The following MLXIP variants were observed in gnomAD, a reference collection of about 807,000 sequenced individuals.
MLXIP encodes MLX-interacting protein.
Under a neutral mutation model 87.2 loss-of-function variants are expected in MLXIP, and 30 were observed. The observed-to-expected ratio is 0.34, with a 90% confidence interval of 0.26 to 0.47. MLXIP has a LOEUF of 0.47. Among genes scored for constraint, MLXIP ranks in the 20% least tolerant of loss-of-function variants. The pLI is 1.00. For synonymous variants in MLXIP, 530 were observed against 514.0 expected (o/e 1.03, Z -0.42); for missense variants, 1,002 against 1,240.1 (o/e 0.81, Z 2.88).
rs921603962 is a variant in MLXIP, at chr12:122,144,122, G to C, written c.*2310G>C. Reference sequence around the variant, plus strand: ...ACCAAGGGGCCTAGATTTGACCTCTGTCCTGGGCTCCTGGGCCAGGTGCAG... The same window carrying C: ...ACCAAGGGGCCTAGATTTGACCTCTCTCCTGGGCTCCTGGGCCAGGTGCAG... On this transcript the variant is annotated 3_prime_UTR_variant, in exon 17 of 17. Coordinates refer to ENST00000319080, the MANE Select transcript of MLXIP (RefSeq NM_014938.6). 3 of 152,678 alleles carry C rather than the reference G, an allele frequency of 2.0e-5. No homozygotes were observed. Among genetic ancestry groups the C allele is most frequent in the Non-Finnish European group, 1.5e-5 (1 of 68,070 alleles). The allele number at this position is 152,678 out of a possible 1,614,324, so 9.5% of individuals were successfully genotyped here. A position where few individuals can be genotyped will look rare whatever the true frequency, so the allele number is the denominator to read the frequency against.
In MLXIP at chr12:122,137,410, C is replaced by T; in HGVS notation, c.2033-59C>T. The T allele has an allele frequency of 6.4e-7, 1 of 1,571,388 alleles. No individual in the cohort carries two copies. Among genetic ancestry groups the T allele is most frequent in the Non-Finnish European group, 8.6e-7 (1 of 1,159,408 alleles). ...ATAACCCTGCAGAGACCCCAGGCTGCCTCCTGGTGGCGTTGAGGGGCCAGG... is the reference window on the plus strand; with the variant it reads ...ATAACCCTGCAGAGACCCCAGGCTGTCTCCTGGTGGCGTTGAGGGGCCAGG... On this transcript the variant is annotated intron_variant, in intron 11 of 16. Coordinates refer to ENST00000319080, the MANE Select transcript of MLXIP (RefSeq NM_014938.6). This position sits in a 1 kb window ranked among gnomAD's most constrained non-coding sequence, Gnocchi z 4.1.
At chr12:122,087,423 G>A (rs933901289) in intron 1 of MLXIP, among the ~76,000 whole-genome samples, 4 of 152,226 alleles carry the variant, frequency 2.6e-5, no homozygotes, top group African/African-American at 4.8e-5. Context: ...ACTTTAGGCT[G>A]GGTAGAGAAG....
chr12:122,136,277 A>AT (rs928722211), intron 11 of MLXIP: 14 of 152,468 alleles, frequency 9.2e-5, no homozygotes, highest in African/African-American at 3.4e-4. Context: ...AATGCCTGCC[A>AT]TACCAGGAAG....
chr12:122,133,271 G>A lies in MLXIP; in HGVS notation c.1093-77G>A. ...TCCCAGCGCCCGGCCTGTGTAGTTG[G>A]ACTTGGCAGTGTGCAGCGCTAGAAA... On this transcript the variant is annotated intron_variant, in intron 8 of 16. Coordinates refer to ENST00000319080, the MANE Select transcript of MLXIP (RefSeq NM_014938.6). The surrounding 1 kb of genome is among the most constrained non-coding windows in gnomAD (Gnocchi z 4.9). The A allele has an allele frequency of 6.7e-7, 1 of 1,486,184 alleles. No individual in the cohort carries two copies. Among genetic ancestry groups the A allele is most frequent in the East Asian group, 2.3e-5 (1 of 43,548 alleles). The allele number at this position is 1,486,184 out of a possible 1,614,324, so 92.1% of individuals were successfully genotyped here. A position where few individuals can be genotyped will look rare whatever the true frequency, so the allele number is the denominator to read the frequency against.
chr12:122,129,093 C>A, intron 3 of MLXIP, 44 bp from the exon 4 acceptor site: 1 of 1,489,236 alleles, frequency 6.7e-7, no homozygotes, highest in Non-Finnish European at 9.2e-7. Flanking sequence ...CTTTGCTAAT[C>A]AAGCAGAGCC....
chr12:122,079,351 C>A, intron 1 of MLXIP, 85 bp downstream of exon 1: 2 of 1,223,886 alleles, frequency 1.6e-6, no homozygotes, highest in Non-Finnish European at 2.3e-6. Flanking sequence ...CGCCTGGCAA[C>A]CCCGTGGCTT....
chr12:122,111,150 T>C (rs1313870633), intron 1 of MLXIP, among the ~76,000 whole-genome samples: 2 of 151,978 alleles, frequency 1.3e-5, no homozygotes, highest in East Asian at 3.9e-4. Context: ...TTTAAATGCA[T>C]CAGACAGCTT....
chr12:122,121,010 G>GTTTTGTTTTTTTTTTTT (rs1952771798), intron 1 of MLXIP, among the ~76,000 whole-genome samples: 1 of 111,910 alleles, frequency 8.9e-6, no homozygotes, highest in African/African-American at 3.6e-5. Flanking sequence ...TGCATGCTTG[G>GTTTTGTTTTTTTTTTTT]TTTTTTTTTT....
Position 122,142,623 on chromosome 12 carries a change from C to T in MLXIP, c.*811C>T, listed in dbSNP as rs1310933263. Reference sequence around the variant, plus strand: ...CCGCTGTGGCCCTTCTGCCGTTCTTCTCCACTTGGCTCCAGCTGCAGCTGT... The same window carrying T: ...CCGCTGTGGCCCTTCTGCCGTTCTTTTCCACTTGGCTCCAGCTGCAGCTGT... On this transcript the variant is annotated 3_prime_UTR_variant, in exon 17 of 17. Coordinates refer to ENST00000319080, the MANE Select transcript of MLXIP (RefSeq NM_014938.6). The T allele has an allele frequency of 7.2e-6, 2 of 278,640 alleles. No homozygotes were observed. The highest frequency in any genetic ancestry group is 1.4e-5 in the Non-Finnish European group (2 of 140,774). The allele number at this position is 278,640 out of a possible 1,614,324, so 17.3% of individuals were successfully genotyped here.
At chr12:122,084,968 A>T (rs1952144583) in intron 1 of MLXIP, among the ~76,000 whole-genome samples, 1 of 152,238 alleles carries the variant, frequency 6.6e-6, no homozygotes, top group Non-Finnish European at 1.5e-5. Flanking sequence ...GACGTTAATT[A>T]GCTGTGTTAC....
At position 122,137,296 on chromosome 12, in the gene MLXIP, T is replaced by A; in HGVS notation, c.2033-173T>A. 1.6e-6 allele frequency: 1 copy of A among 612,470 alleles called. No homozygotes were observed. The highest frequency in any genetic ancestry group is 2.6e-6 in the Non-Finnish European group (1 of 384,920). The allele number at this position is 612,470 out of a possible 1,614,324, so 37.9% of individuals were successfully genotyped here. On this transcript the variant is annotated intron_variant, in intron 11 of 16. Coordinates refer to ENST00000319080, the MANE Select transcript of MLXIP (RefSeq NM_014938.6). The surrounding 1 kb of genome is among the most constrained non-coding windows in gnomAD (Gnocchi z 4.1). ...TTTGTTGTTGTTATTAATTTAAGAT[T>A]TTCAGGGAGTGAATAAGAATAATCT...
At chr12:122,124,581 C>T (rs1265496914) in intron 1 of MLXIP, among the ~76,000 whole-genome samples, 2 of 149,624 alleles carry the variant, frequency 1.3e-5, no homozygotes, top group Non-Finnish European at 1.5e-5. Context: ...CAGAGGGCAC[C>T]GGCGTCACCT....
At position 122,135,739 on chromosome 12, in the gene MLXIP, G is replaced by T. The variant is rs1953079531; in HGVS notation, c.2032+73G>T. The T allele has an allele frequency of 9.8e-6, 14 of 1,425,264 alleles. No individual in the cohort carries two copies. The highest frequency in any genetic ancestry group is 1.3e-5 in the Non-Finnish European group (14 of 1,090,182). 88.3% of individuals were successfully genotyped at this position (1,425,264 alleles called of 1,614,324 possible). A position where few individuals can be genotyped will look rare whatever the true frequency, so the allele number is the denominator to read the frequency against. On this transcript the variant is annotated intron_variant, in intron 11 of 16. Coordinates refer to ENST00000319080, the MANE Select transcript of MLXIP (RefSeq NM_014938.6). The surrounding 1 kb of genome is among the most constrained non-coding windows in gnomAD (Gnocchi z 5.3). Reference sequence around the variant, plus strand: ...CTGGGCCTGCCGTAGACCATGGGGGGTGCTTGCTGGGTCCCCAGGACGGAG... The same window carrying T: ...CTGGGCCTGCCGTAGACCATGGGGGTTGCTTGCTGGGTCCCCAGGACGGAG...
rs1953301676 is a variant in MLXIP, at chr12:122,146,428, A to T, written c.*4616A>T. ...AGGAACGCTGACGAAGGGTTTTAGGACCCCCACCCCCATGCCTGTACCAGG... is the reference window on the plus strand; with the variant it reads ...AGGAACGCTGACGAAGGGTTTTAGGTCCCCCACCCCCATGCCTGTACCAGG... On this transcript the variant is annotated 3_prime_UTR_variant, in exon 17 of 17. Coordinates refer to ENST00000319080, the MANE Select transcript of MLXIP (RefSeq NM_014938.6). The T allele has an allele frequency of 6.6e-6, 1 of 151,628 alleles. No homozygotes were observed. The highest frequency in any genetic ancestry group is 1.5e-5 in the Non-Finnish European group (1 of 68,072). 9.4% of individuals were successfully genotyped at this position (151,628 alleles called of 1,614,324 possible). A position where few individuals can be genotyped will look rare whatever the true frequency, so the allele number is the denominator to read the frequency against.
intron 1 of MLXIP, among the ~76,000 whole-genome samples, chr12:122,108,262 G>A (rs1035087378): frequency 6.6e-6 from 1 of 151,438 alleles, no homozygotes; most frequent in Non-Finnish European, 1.5e-5. Context: ...CAGCTACTCA[G>A]GAGGCTGAGG....
intron 1 of MLXIP, among the ~76,000 whole-genome samples, chr12:122,098,293 C>T (rs1229312670): frequency 6.6e-6 from 1 of 152,172 alleles, no homozygotes; most frequent in African/African-American, 2.4e-5. Context: ...TCCTTCTGTT[C>T]CCTGTCCTAG....
At chr12:122,094,296 ATGG>A (rs1376319003) in intron 1 of MLXIP, among the ~76,000 whole-genome samples, 2 of 51,816 alleles carry the variant, frequency 3.9e-5, no homozygotes, top group Non-Finnish European at 7.5e-5. Context: ...GTGTGGTGTG[ATGG>A]TGTGTGTGGT....
intron 1 of MLXIP, among the ~76,000 whole-genome samples, chr12:122,084,840 G>T (rs2135892945): frequency 6.6e-6 from 1 of 152,320 alleles, no homozygotes; most frequent in East Asian, 1.9e-4. Context: ...GAGCCACTGT[G>T]CCCGGCCTCT....
chr12:122,083,419 CTTT>C (rs796702658), intron 1 of MLXIP, among the ~76,000 whole-genome samples: 1 of 145,216 alleles, frequency 6.9e-6, no homozygotes, highest in Admixed American at 6.9e-5. Flanking sequence ...ACCCTTCATT[CTTT>C]TTTTTTTTTG....
Sources: allele counts gnomAD v4.1 joint callset (sites outside exome capture counted in the v4.1 genomes callset), GRCh38; gene constraint gnomAD v4.1.1; non-coding constraint Gnocchi (gnomAD v3.1); transcripts MANE v1.5; gene names NCBI Gene and HGNC (gene_info 2026-07-23, HGNC 2026-07-21).